Variants in BASP1 observed in about 807,000 individuals in gnomAD.
BASP1 encodes the protein brain acid soluble protein 1.
Under a neutral mutation model 2.2 loss-of-function variants are expected in BASP1, and 1 was observed. The ratio of observed to expected loss-of-function variants is 0.46; its 90% CI spans 0.16 to 2.17. BASP1 has a LOEUF of 2.17. Among genes scored for constraint, BASP1 ranks in the 30% most tolerant of loss-of-function variants. The probability of loss-of-function intolerance (pLI) is 0.27; values close to 1 mark genes in which losing one functional copy is unlikely to be tolerated. For missense variants in BASP1, 352 were observed against 327.2 expected, an observed-to-expected ratio of 1.08 and a Z score of -0.58; for synonymous variants, 187 against 154.2, an observed-to-expected ratio of 1.21 and a Z score of -1.58.
chr5:17,255,675 G>C (rs776601306), intron 1 of BASP1, among the ~76,000 whole-genome samples: 1 of 152,132 alleles, frequency 6.6e-6, no homozygotes, highest in Non-Finnish European at 1.5e-5. Context: ...GTAAATAATA[G>C]AACATTCAGA....
intron 1 of BASP1, among the ~76,000 whole-genome samples, chr5:17,221,352 A>T (rs1739389667): frequency 6.7e-6 from 1 of 149,024 alleles, no homozygotes. Context: ...TATTTTTGTG[A>T]TCTCTTGTAA....
chr5:17,268,394 G>A (rs972535849), intron 1 of BASP1, among the ~76,000 whole-genome samples: 1 of 152,156 alleles, frequency 6.6e-6, no homozygotes, highest in African/African-American at 2.4e-5. Context: ...AGTGGTGTAA[G>A]GTAAGAAAAA....
intron 1 of BASP1, among the ~76,000 whole-genome samples, chr5:17,229,496 C>T (rs565185224): frequency 6.6e-6 from 1 of 152,124 alleles, no homozygotes; most frequent in Non-Finnish European, 1.5e-5. Flanking sequence ...AGCAAAACTG[C>T]ATTGTTCTAG....
At chr5:17,239,534 G>A (rs561448233) in intron 1 of BASP1, among the ~76,000 whole-genome samples, 1 of 152,168 alleles carries the variant, frequency 6.6e-6, no homozygotes, top group African/African-American at 2.4e-5. Flanking sequence ...CCATATTTTT[G>A]GTTATAACCG....
chr5:17,230,782 G>A (rs1347638731), intron 1 of BASP1, among the ~76,000 whole-genome samples: 6 of 151,996 alleles, frequency 3.9e-5, no homozygotes, highest in African/African-American at 1.4e-4. Context: ...TGGCCAGGCT[G>A]GTCTCCAACT....
intron 1 of BASP1, among the ~76,000 whole-genome samples, chr5:17,229,502 T>C (rs1210560583): frequency 6.6e-6 from 1 of 152,160 alleles, no homozygotes; most frequent in Non-Finnish European, 1.5e-5. Context: ...ACTGCATTGT[T>C]CTAGGTCAGC....
intron 1 of BASP1, among the ~76,000 whole-genome samples, chr5:17,265,041 T>C (rs1309560419): frequency 6.6e-6 from 1 of 152,228 alleles, no homozygotes. Context: ...TGGCAGTTAA[T>C]GTATGCCAGT....
At chr5:17,249,805 CTT>C (rs1479053457) in intron 1 of BASP1, among the ~76,000 whole-genome samples, 2 of 152,258 alleles carry the variant, frequency 1.3e-5, no homozygotes, top group Non-Finnish European at 2.9e-5. Flanking sequence ...TGATCTAAGT[CTT>C]TTTCTTGACC....
chr5:17,232,184 C>T (rs1240602259), intron 1 of BASP1, among the ~76,000 whole-genome samples: 2 of 152,090 alleles, frequency 1.3e-5, no homozygotes, highest in Non-Finnish European at 2.9e-5. Flanking sequence ...TTGAGGGAGA[C>T]AAATAGTATT....
chr5:17,224,182 CTT>C (rs959798848), intron 1 of BASP1, among the ~76,000 whole-genome samples: 1 of 152,198 alleles, frequency 6.6e-6, no homozygotes, highest in African/African-American at 2.4e-5. Flanking sequence ...CTTCTGGACA[CTT>C]TGTTGTTGAG....
intron 1 of BASP1, among the ~76,000 whole-genome samples, chr5:17,258,595 A>G (rs2126512605): frequency 6.6e-6 from 1 of 152,338 alleles, no homozygotes; most frequent in South Asian, 2.1e-4. Flanking sequence ...AAACATTGGC[A>G]AATAAGAGGT....
rs1739928750 is a variant in BASP1 at position 17,244,088 on chromosome 5, T to A, written c.-10+26278T>A. Among the ~76,000 whole-genome samples the A allele has an allele frequency of 2.6e-5, 4 of 152,366 alleles. No homozygotes were observed. In the South Asian group the frequency reaches 8.3e-4, roughly 32 times the overall value. On this transcript the variant is annotated intron_variant, in intron 1 of 1. Coordinates refer to ENST00000322611, the MANE Select transcript of BASP1 (RefSeq NM_006317.5). ...GATAACTTTTAATTTGGTGAGATTC[T>A]ATACATGAACATATTTCCAATGTAT...
In BASP1 at chr5:17,272,210, A is replaced by G. The variant is rs1019195605; in HGVS notation, c.-9-2998A>G. Among the ~76,000 whole-genome samples, 17 of 152,218 alleles carry G rather than the reference A, an allele frequency of 1.1e-4. No homozygotes were observed. In the South Asian group the frequency reaches 1.2e-3, roughly 11 times the overall value. On this transcript the variant is annotated intron_variant, in intron 1 of 1. Transcript: ENST00000322611. ...AGGCAGAGGATACTCAAAATACTGA[A>G]TTTCTTCCTTATTCCCTCAACACCT...
At chr5:17,222,861 C>A (rs960731480) in intron 1 of BASP1, among the ~76,000 whole-genome samples, 1 of 152,106 alleles carries the variant, frequency 6.6e-6, no homozygotes, top group African/African-American at 2.4e-5. Context: ...GGAATACATT[C>A]CTGAAAGCTT....
chr5:17,244,602 A>G (rs1739939556), intron 1 of BASP1, among the ~76,000 whole-genome samples: 1 of 151,844 alleles, frequency 6.6e-6, no homozygotes, highest in Non-Finnish European at 1.5e-5. Flanking sequence ...CAGACTTAAG[A>G]GTTCTGTTTT....
intron 1 of BASP1, among the ~76,000 whole-genome samples, chr5:17,241,582 A>T (rs1010834410): frequency 6.6e-6 from 1 of 152,216 alleles, no homozygotes; most frequent in Non-Finnish European, 1.5e-5. Context: ...GTCAACAAGA[A>T]AATTATTGTT....
chr5:17,275,940 ATCTCC>A lies in BASP1; in HGVS notation c.*45_*49del. The A allele has an allele frequency of 1.5e-6, 2 of 1,294,178 alleles. No individual in the cohort carries two copies. The highest frequency in any genetic ancestry group is 2.0e-6 in the Non-Finnish European group (2 of 1,001,096). 80.2% of individuals were successfully genotyped at this position (1,294,178 alleles called of 1,614,324 possible). On this transcript the variant is annotated 3_prime_UTR_variant, in exon 2 of 2. Transcript: ENST00000322611. This position sits in a 1 kb window ranked among gnomAD's most constrained non-coding sequence, Gnocchi z 5.3. ...AGGAAAAACAATACCACTTAAAACA[ATCTCC>A]TCTCTCTCTCTCTCTCTCTCTCTCT...
intron 1 of BASP1, chr5:17,240,592 T>C (rs1349251193): frequency 6.6e-6 from 1 of 152,004 alleles, no homozygotes; most frequent in Non-Finnish European, 1.5e-5. Context: ...TTCTGACTCT[T>C]TAAAAAAAGA....
intron 1 of BASP1, among the ~76,000 whole-genome samples, chr5:17,222,150 G>A (rs1321522710): frequency 6.6e-6 from 1 of 152,080 alleles, no homozygotes; most frequent in East Asian, 1.9e-4. Flanking sequence ...GGAGTATTAA[G>A]TTAGAAGTAG....
Sources: allele counts gnomAD v4.1 joint callset (sites outside exome capture counted in the v4.1 genomes callset), GRCh38; gene constraint gnomAD v4.1.1; non-coding constraint Gnocchi (gnomAD v3.1); transcripts MANE v1.5; gene names NCBI Gene and HGNC (gene_info 2026-07-23, HGNC 2026-07-21).